DNAJC1: variants seen among roughly 807,000 people sequenced by gnomAD.
DNAJC1 encodes the protein dnaJ homolog subfamily C member 1.
DNAJC1 carries 58 observed loss-of-function variants against 76.6 expected under a neutral mutation model. That is an observed-to-expected ratio of 0.76 (90% CI 0.61 to 0.94). The LOEUF is 0.94. Among genes scored for constraint, DNAJC1 ranks in the 40% least tolerant of loss-of-function variants. The pLI, the probability that DNAJC1 is intolerant of heterozygous loss-of-function variation, is 0.00. For synonymous variants in DNAJC1, 258 were observed against 267.9 expected, an observed-to-expected ratio of 0.96 and a Z score of 0.36; for missense variants, 689 against 677.3, an observed-to-expected ratio of 1.02 and a Z score of -0.19.
chr10:21,756,735 G>T lies in DNAJC1; in HGVS notation c.1617C>A (p.Tyr539Ter). Reference protein sequence around the residue: ...SKSKEDCIARYKLLVELVQKK... With the variant: ...SKSKEDCIAR ...TTTGGACCAGTTCAACCAGCAACTT[G>T]TACCTAGCGATACAGTCTTCCTGTA... Residue 539 changes from tyrosine (Y) to a stop codon, truncating the protein, a stop_gained, in exon 12 of 12, where the codon TAC becomes TAA. Coordinates refer to ENST00000376980, the MANE Select transcript of DNAJC1 (RefSeq NM_022365.4). LOFTEE classifies it high-confidence loss of function. 1 of 1,613,652 alleles carries T rather than the reference G, an allele frequency of 6.2e-7. No homozygotes were observed.
intron 1 of DNAJC1, among the ~76,000 whole-genome samples, chr10:21,963,759 A>C (rs1564839754): frequency 6.6e-6 from 1 of 152,146 alleles, no homozygotes; most frequent in Non-Finnish European, 1.5e-5. Context: ...TTTTGTCTTT[A>C]GATAATTTTA....
intron 8 of DNAJC1, among the ~76,000 whole-genome samples, chr10:21,849,292 CAAAA>C (rs33953332): frequency 8.4e-5 from 3 of 35,862 alleles, no homozygotes; most frequent in African/African-American, 1.2e-4. Context: ...GACTCCGCCT[CAAAA>C]AAAAAAAAAA....
At chr10:21,962,699 G>T (rs1488013057) in intron 1 of DNAJC1, among the ~76,000 whole-genome samples, 1 of 148,588 alleles carries the variant, frequency 6.7e-6, no homozygotes, top group African/African-American at 2.5e-5. Context: ...GCCCAGGCGG[G>T]TCTTGAACTC....
intron 8 of DNAJC1, among the ~76,000 whole-genome samples, chr10:21,812,203 T>C (rs1250630684): frequency 6.6e-6 from 1 of 151,872 alleles, no homozygotes; most frequent in Non-Finnish European, 1.5e-5. Context: ...GGATTACAGG[T>C]GCCCGCCACC....
chr10:21,764,310 GA>G (rs750307778), intron 10 of DNAJC1, among the ~76,000 whole-genome samples: 122 of 152,332 alleles, frequency 8.0e-4, no homozygotes, highest in Non-Finnish European at 1.4e-3. Flanking sequence ...ATGTGCATCA[GA>G]AAAGTCTGAA....
At chr10:21,758,429 A>C (rs999260116) in intron 11 of DNAJC1, among the ~76,000 whole-genome samples, 1 of 152,210 alleles carries the variant, frequency 6.6e-6, no homozygotes, top group Non-Finnish European at 1.5e-5. Flanking sequence ...AGGCCGCCCA[A>C]GCCCGGTGGG....
chr10:21,955,084 C>CCA (rs1279971133), intron 1 of DNAJC1, among the ~76,000 whole-genome samples: 19 of 152,186 alleles, frequency 1.2e-4, no homozygotes, highest in Non-Finnish European at 2.8e-4. Flanking sequence ...CCCAGCCCCC[C>CCA]AGTTCTAATA....
chr10:21,838,671 G>A (rs1473824538), intron 8 of DNAJC1, among the ~76,000 whole-genome samples: 6 of 152,006 alleles, frequency 3.9e-5, no homozygotes, highest in African/African-American at 1.2e-4. Context: ...GCACCCCACT[G>A]TCAACATTAG....
At chr10:21,917,418 T>C (rs1416305737) in intron 6 of DNAJC1, among the ~76,000 whole-genome samples, 3 of 152,110 alleles carry the variant, frequency 2.0e-5, no homozygotes, top group Admixed American at 6.5e-5. Flanking sequence ...ATATCTTATG[T>C]AATATTCTAT....
At chr10:21,873,453 A>G (rs1428803037) in intron 8 of DNAJC1, among the ~76,000 whole-genome samples, 3 of 152,226 alleles carry the variant, frequency 2.0e-5, no homozygotes, top group South Asian at 2.1e-4. Flanking sequence ...GCCAGCAGGT[A>G]ATAGCTTATG....
intron 9 of DNAJC1, among the ~76,000 whole-genome samples, chr10:21,793,592 T>C (rs1219706598): frequency 1.3e-5 from 2 of 152,162 alleles, no homozygotes; most frequent in Non-Finnish European, 2.9e-5. Flanking sequence ...CAAAACCCAG[T>C]ATATAAAAAT....
At chr10:21,763,852 C>T (rs959764196) in intron 10 of DNAJC1, among the ~76,000 whole-genome samples, 6 of 152,122 alleles carry the variant, frequency 3.9e-5, no homozygotes, top group African/African-American at 1.4e-4. Flanking sequence ...AGGCCACCAT[C>T]AGCCTGTGAG....
chr10:21,984,753 TAAC>T (rs1311025160), intron 1 of DNAJC1, among the ~76,000 whole-genome samples: 1 of 152,152 alleles, frequency 6.6e-6, no homozygotes. Flanking sequence ...ATAAACATAT[TAAC>T]AAGTCTTTAA....
intron 1 of DNAJC1, among the ~76,000 whole-genome samples, chr10:21,974,569 A>G (rs977565635): frequency 6.6e-6 from 1 of 152,200 alleles, no homozygotes; most frequent in Non-Finnish European, 1.5e-5. Context: ...ACACAATTAC[A>G]TATATTTCAT....
intron 7 of DNAJC1, among the ~76,000 whole-genome samples, chr10:21,886,148 C>T (rs1836363861): frequency 6.6e-6 from 1 of 151,964 alleles, no homozygotes. Flanking sequence ...AGGGTGTCAT[C>T]ATTACCACTG....
chr10:21,877,699 T>C (rs994283677), intron 8 of DNAJC1, among the ~76,000 whole-genome samples: 3 of 152,180 alleles, frequency 2.0e-5, no homozygotes, highest in African/African-American at 7.2e-5. Flanking sequence ...ACCTGGAATA[T>C]TCATATCCTG....
chr10:21,891,539 T>G (rs1169755785), intron 7 of DNAJC1, among the ~76,000 whole-genome samples: 3 of 146,210 alleles, frequency 2.1e-5, no homozygotes, highest in African/African-American at 7.5e-5. Context: ...GTTTTGGGAC[T>G]CTGAACAGCA....
At chr10:21,926,293 GGTTT>G (rs1480794393) in intron 3 of DNAJC1, among the ~76,000 whole-genome samples, 2 of 147,442 alleles carry the variant, frequency 1.4e-5, no homozygotes, top group African/African-American at 5.0e-5. Context: ...AAAGTTATTT[GGTTT>G]GTTAATTTAT....
chr10:21,951,521 TAAAA>T (rs756514393), intron 1 of DNAJC1, among the ~76,000 whole-genome samples: 1 of 146,778 alleles, frequency 6.8e-6, no homozygotes, highest in Non-Finnish European at 1.5e-5. Context: ...CGTTTTCCCT[TAAAA>T]AAAAAAAGTT....
Sources: gnomAD v4.1 joint callset for allele counts (sites outside exome capture counted in the v4.1 genomes callset) on GRCh38, gnomAD v4.1.1 for gene constraint, MANE v1.5 for transcripts, NCBI Gene and HGNC (gene_info 2026-07-23, HGNC 2026-07-21) for gene names.